Variants in DAPK2 observed in about 807,000 individuals in gnomAD.
The protein encoded by DAPK2 is death associated protein kinase 2, also known as death-associated protein kinase 2.
A neutral mutation model predicts 44.1 loss-of-function variants in DAPK2; 35 were observed. That is an observed-to-expected ratio of 0.79 (90% CI 0.61 to 1.05). The LOEUF (loss-of-function observed/expected upper bound fraction) is 1.05, where lower values mean the gene tolerates loss of function less well. DAPK2 is among the 50% of genes least tolerant of loss of function. DAPK2 has a pLI of 0.00. For synonymous variants in DAPK2, 174 were observed against 182.6 expected (o/e 0.95, Z 0.38); for missense variants, 453 against 483.2 (o/e 0.94, Z 0.59).
intron 1 of DAPK2, among the ~76,000 whole-genome samples, chr15:64,012,493 T>C (rs1279491331): frequency 6.6e-6 from 1 of 152,186 alleles, no homozygotes; most frequent in East Asian, 1.9e-4. Context: ...AAGATGCGCA[T>C]TTCAGCAACA....
intron 1 of DAPK2, among the ~76,000 whole-genome samples, chr15:63,998,518 G>A (rs1262873131): frequency 6.6e-6 from 1 of 152,210 alleles, no homozygotes; most frequent in Non-Finnish European, 1.5e-5. Flanking sequence ...GGCTGGGCCT[G>A]GCTGGCAAGC....
intron 1 of DAPK2, among the ~76,000 whole-genome samples, chr15:64,001,095 G>A (rs753836374): frequency 6.6e-6 from 1 of 151,742 alleles, no homozygotes; most frequent in Non-Finnish European, 1.5e-5. Flanking sequence ...GGCCAGGCTG[G>A]TCTAGAACTC....
intron 3 of DAPK2, among the ~76,000 whole-genome samples, chr15:63,942,914 T>C (rs975974788): frequency 4.6e-5 from 7 of 152,154 alleles, no homozygotes; most frequent in African/African-American, 1.4e-4. Flanking sequence ...CCAAGGGTTT[T>C]GTTCCTGTCA....
intron 1 of DAPK2, among the ~76,000 whole-genome samples, chr15:64,016,903 G>A (rs978186300): frequency 1.3e-5 from 2 of 149,060 alleles, no homozygotes; most frequent in Admixed American, 1.3e-4. Flanking sequence ...AAGGAAGGAC[G>A]GACATGTAAA....
chr15:64,028,356 A>G (rs1001075078), intron 1 of DAPK2, among the ~76,000 whole-genome samples: 2 of 151,960 alleles, frequency 1.3e-5, no homozygotes, highest in Non-Finnish European at 2.9e-5. Context: ...ACTGCACCCG[A>G]CCCTATTTAT....
chr15:64,006,469 C>T (rs964578693), intron 1 of DAPK2, among the ~76,000 whole-genome samples: 1 of 152,102 alleles, frequency 6.6e-6, no homozygotes, highest in African/African-American at 2.4e-5. Context: ...CGTACAACAT[C>T]GTCACCTATA....
intron 1 of DAPK2, among the ~76,000 whole-genome samples, chr15:64,007,276 T>G (rs2079259340): frequency 6.6e-6 from 1 of 151,992 alleles, no homozygotes; most frequent in South Asian, 2.1e-4. Context: ...ACCTTTCTCA[T>G]TCCCTTTCAC....
chr15:63,997,250 C>G (rs1295395214), intron 1 of DAPK2, among the ~76,000 whole-genome samples: 1 of 152,218 alleles, frequency 6.6e-6, no homozygotes, highest in Non-Finnish European at 1.5e-5. Flanking sequence ...TTCCTTCAAG[C>G]CTAATTGTCA....
At chr15:64,008,882 G>C (rs2079309822) in intron 1 of DAPK2, among the ~76,000 whole-genome samples, 1 of 152,176 alleles carries the variant, frequency 6.6e-6, no homozygotes, top group Admixed American at 6.5e-5. Context: ...TTGAGGGACA[G>C]GCCACAGAGC....
At chr15:64,011,523 C>T (rs375548809) in intron 1 of DAPK2, among the ~76,000 whole-genome samples, 11 of 152,268 alleles carry the variant, frequency 7.2e-5, no homozygotes, top group African/African-American at 2.6e-4. Flanking sequence ...ACTCAAAACA[C>T]TCAAGTGTTT....
At chr15:63,949,602 T>A (rs2077535696) in intron 3 of DAPK2, among the ~76,000 whole-genome samples, 2 of 152,168 alleles carry the variant, frequency 1.3e-5, no homozygotes, top group African/African-American at 4.8e-5. Flanking sequence ...TAATTGCCTA[T>A]CGGAATTCCC....
intron 4 of DAPK2, among the ~76,000 whole-genome samples, chr15:63,938,563 C>A (rs1455563250): frequency 6.6e-6 from 1 of 152,216 alleles, no homozygotes; most frequent in African/African-American, 2.4e-5. Flanking sequence ...AAGACCACTC[C>A]AACTCCCAAA....
intron 4 of DAPK2, 28 bp from the exon 6 acceptor site, chr15:63,930,483 C>G (rs1463726997): frequency 6.2e-7 from 1 of 1,610,670 alleles, no homozygotes; most frequent in African/African-American, 1.3e-5. Flanking sequence ...AAATAGTCAA[C>G]ATGAGTGTGA....
intron 1 of DAPK2, among the ~76,000 whole-genome samples, chr15:63,985,304 G>A (rs1400553365): frequency 6.6e-6 from 1 of 152,240 alleles, no homozygotes; most frequent in Non-Finnish European, 1.5e-5. Context: ...ACTAAGGGCT[G>A]ACGCAGGTGG....
rs949738624 is a variant in DAPK2, at chr15:63,917,555, C to T, written c.859-5358G>A. On this transcript the variant is annotated intron_variant, in intron 8 of 10. Coordinates refer to ENST00000261891, the Ensembl canonical transcript of DAPK2. The surrounding 1 kb of genome is among the most constrained non-coding windows in gnomAD (Gnocchi z 4.4). ...GGTCATAGGTCCTGGAATCCACTAT[C>T]CCATTCCTTATACTTCTGTGCAAGT... is the stretch of plus-strand genomic sequence containing the variant. The T allele has an allele frequency of 1.3e-5, 2 of 152,166 alleles. No individual in the cohort carries two copies. Among genetic ancestry groups the T allele is most frequent in the Non-Finnish European group, 2.9e-5 (2 of 68,022 alleles). The allele number at this position is 152,166 out of a possible 1,614,324, so 9.4% of individuals were successfully genotyped here.
At chr15:64,044,875 C>T (rs1214373188), upstream of DAPK2, among the ~76,000 whole-genome samples, 2 of 152,192 alleles carry the variant, frequency 1.3e-5, no homozygotes, top group African/African-American at 4.8e-5. Context: ...CGTCTCATTA[C>T]ACACACCCCC....
chr15:63,949,706 G>A (rs997465828), intron 3 of DAPK2, among the ~76,000 whole-genome samples: 2 of 152,184 alleles, frequency 1.3e-5, no homozygotes, highest in African/African-American at 4.8e-5. Flanking sequence ...GGGGTCCAGT[G>A]TTTAGAAAAC....
Position 63,939,476 on chromosome 15 carries a change from GTTCTTTTTA to G in DAPK2, c.454-124_454-116del. The G allele has an allele frequency of 1.0e-6, 1 of 970,966 alleles. No individual in the cohort carries two copies. Among genetic ancestry groups the G allele is most frequent in the Non-Finnish European group, 1.5e-6 (1 of 668,066 alleles). The allele number at this position is 970,966 out of a possible 1,614,324, so 60.1% of individuals were successfully genotyped here. Reference sequence around the variant, plus strand: ...TTTGGGGTTTGGGGTGGGACTTGGTGTTCTTTTTAGGAGACTGAAACAGCATAAACTCTT... The same window carrying G: ...TTTGGGGTTTGGGGTGGGACTTGGTGGGAGACTGAAACAGCATAAACTCTT... On this transcript the variant is annotated intron_variant, in intron 3 of 10. Coordinates refer to ENST00000261891, the Ensembl canonical transcript of DAPK2. This position sits in a 1 kb window ranked among gnomAD's most constrained non-coding sequence, Gnocchi z 4.3.
upstream of DAPK2, among the ~76,000 whole-genome samples, chr15:64,043,756 T>C (rs2080398135): frequency 6.6e-6 from 1 of 152,224 alleles, no homozygotes; most frequent in African/African-American, 2.4e-5. Context: ...AGATAACCCA[T>C]GTGTAATGTT....
Sources: gnomAD v4.1 joint callset for allele counts (sites outside exome capture counted in the v4.1 genomes callset) on GRCh38, gnomAD v4.1.1 for gene constraint, Gnocchi (gnomAD v3.1) non-coding constraint, MANE v1.5 for transcripts, NCBI Gene and HGNC (gene_info 2026-07-23, HGNC 2026-07-21) for gene names.